NKAIN2: variants seen among roughly 807,000 people sequenced by gnomAD.
The protein encoded by NKAIN2 is sodium/potassium-transporting ATPase subunit beta-1-interacting protein 2.
A neutral mutation model predicts 32.6 loss-of-function variants in NKAIN2; 14 were observed. The ratio of observed to expected loss-of-function variants is 0.43; its 90% CI spans 0.28 to 0.67. The LOEUF is 0.67. NKAIN2 is among the 30% of genes least tolerant of loss of function. The pLI is 0.17. For synonymous variants in NKAIN2, 80 were observed against 87.2 expected, an observed-to-expected ratio of 0.92 and a Z score of 0.46; for missense variants, 198 against 258.3, an observed-to-expected ratio of 0.77 and a Z score of 1.60.
chr6:124,402,939 C>A (rs1320561899), intron 3 of NKAIN2, among the ~76,000 whole-genome samples: 1 of 152,114 alleles, frequency 6.6e-6, no homozygotes, highest in Non-Finnish European at 1.5e-5. Context: ...TGCACCTATA[C>A]CCACGAACCT....
chr6:124,210,712 TTTTG>T lies in NKAIN2; in HGVS notation c.55-72281_55-72278del, dbSNP rs200767258. ...TAAATGAGATTAGTTTCTTGATTTT[TTTTG>T]TTTGTTTGTTTTTTGTTTTTTTTCA... On this transcript the variant is annotated intron_variant, in intron 1 of 6. Transcript: ENST00000368417. Among the ~76,000 whole-genome samples, 838 of 151,640 alleles carry T rather than the reference TTTTG, an allele frequency of 5.5e-3. 6 individuals carry two copies. The highest frequency in any genetic ancestry group is 0.018 in the African/African-American group (757 of 41,258).
At chr6:124,121,291 T>A (rs778573777) in intron 1 of NKAIN2, among the ~76,000 whole-genome samples, 11 of 152,032 alleles carry the variant, frequency 7.2e-5, no homozygotes, top group Non-Finnish European at 2.9e-5. Context: ...ATCTGTAAGT[T>A]GTAAGAAGCC....
chr6:124,367,195 A>G (rs980943817), intron 3 of NKAIN2, among the ~76,000 whole-genome samples: 1 of 152,182 alleles, frequency 6.6e-6, no homozygotes, highest in African/African-American at 2.4e-5. Flanking sequence ...ACATCATAAA[A>G]CAAATGCAAT....
chr6:124,668,284 TAG>T (rs1352728019), intron 4 of NKAIN2, among the ~76,000 whole-genome samples: 1 of 152,148 alleles, frequency 6.6e-6, no homozygotes. Context: ...TGGACTGAAG[TAG>T]AGTGTCCTGT....
At chr6:124,432,818 G>T (rs1387206519) in intron 3 of NKAIN2, among the ~76,000 whole-genome samples, 1 of 151,870 alleles carries the variant, frequency 6.6e-6, no homozygotes, top group African/African-American at 2.4e-5. Context: ...CTCTTAAGAG[G>T]TCTCTCCAGA....
chr6:124,762,843 T>C (rs1778334661), intron 4 of NKAIN2, among the ~76,000 whole-genome samples: 1 of 152,088 alleles, frequency 6.6e-6, no homozygotes, highest in Non-Finnish European at 1.5e-5. Context: ...GGGGTGCCCC[T>C]GGGTAAGAAG....
At chr6:124,555,690 T>C (rs772209941) in intron 3 of NKAIN2, among the ~76,000 whole-genome samples, 55 of 152,192 alleles carry the variant, frequency 3.6e-4, no homozygotes, top group Admixed American at 7.2e-4. Flanking sequence ...CCTGATTGAT[T>C]AGAAGACAAA....
chr6:124,113,460 T>G (rs1785475995), intron 1 of NKAIN2, among the ~76,000 whole-genome samples: 1 of 152,102 alleles, frequency 6.6e-6, no homozygotes. Flanking sequence ...ATTTTTTTTG[T>G]TTGTTCGTTT....
chr6:124,222,782 C>G (rs897175564), intron 1 of NKAIN2, among the ~76,000 whole-genome samples: 1 of 152,102 alleles, frequency 6.6e-6, no homozygotes, highest in Non-Finnish European at 1.5e-5. Flanking sequence ...AGAATCAATG[C>G]GTCTCTTGCT....
At chr6:124,033,647 TAA>T (rs1781493528) in intron 1 of NKAIN2, among the ~76,000 whole-genome samples, 1 of 152,100 alleles carries the variant, frequency 6.6e-6, no homozygotes, top group South Asian at 2.1e-4. Context: ...ATCCTCCCAC[TAA>T]ACGAAAGAAA....
intron 1 of NKAIN2, among the ~76,000 whole-genome samples, chr6:124,256,196 A>G (rs544536240): frequency 6.6e-6 from 1 of 152,342 alleles, no homozygotes; most frequent in Admixed American, 6.5e-5. Context: ...ATGTTGTCAC[A>G]ACAAAAATCC....
At chr6:124,316,041 G>A (rs1796936123) in intron 2 of NKAIN2, among the ~76,000 whole-genome samples, 1 of 151,950 alleles carries the variant, frequency 6.6e-6, no homozygotes, top group South Asian at 2.1e-4. Context: ...AATACAATAA[G>A]GAGGAATAAC....
intron 3 of NKAIN2, among the ~76,000 whole-genome samples, chr6:124,589,151 A>G (rs1047197441): frequency 2.0e-5 from 3 of 152,146 alleles, no homozygotes; most frequent in East Asian, 1.9e-4. Flanking sequence ...AGAAACAGAA[A>G]TTGTGCAAAA....
chr6:124,349,223 T>C (rs1798598157), intron 2 of NKAIN2, among the ~76,000 whole-genome samples: 1 of 152,014 alleles, frequency 6.6e-6, no homozygotes, highest in Non-Finnish European at 1.5e-5. Context: ...AAGAGAGTCC[T>C]GTTAGCTGGT....
At chr6:123,855,671 A>C (rs969403830) in intron 1 of NKAIN2, among the ~76,000 whole-genome samples, 1 of 152,248 alleles carries the variant, frequency 6.6e-6, no homozygotes, top group Non-Finnish European at 1.5e-5. Flanking sequence ...AATGGAAATG[A>C]GACAGATATG....
intron 4 of NKAIN2, among the ~76,000 whole-genome samples, chr6:124,708,362 T>C (rs1454721307): frequency 6.6e-6 from 1 of 151,796 alleles, no homozygotes; most frequent in Non-Finnish European, 1.5e-5. Flanking sequence ...AAAGTAGTTT[T>C]TTCCAATTCT....
chr6:124,215,143 T>C (rs557045436), intron 1 of NKAIN2, among the ~76,000 whole-genome samples: 100 of 152,248 alleles, frequency 6.6e-4, no homozygotes, highest in Admixed American at 1.2e-3. Context: ...AACACTTTAA[T>C]TGTGAAGAAA....
intron 4 of NKAIN2, among the ~76,000 whole-genome samples, chr6:124,753,080 T>C (rs1003734249): frequency 6.6e-6 from 1 of 152,136 alleles, no homozygotes; most frequent in South Asian, 2.1e-4. Flanking sequence ...ACTTTATCAG[T>C]GTGAAATTCT....
chr6:124,667,361 A>G (rs1403581457), intron 4 of NKAIN2, among the ~76,000 whole-genome samples: 1 of 152,194 alleles, frequency 6.6e-6, no homozygotes, highest in East Asian at 1.9e-4. Context: ...TGTGCAATAA[A>G]CAATGTATGA....
Sources: allele counts gnomAD v4.1 joint callset (sites outside exome capture counted in the v4.1 genomes callset), GRCh38; gene constraint gnomAD v4.1.1; transcripts MANE v1.5; gene names NCBI Gene and HGNC (gene_info 2026-07-23, HGNC 2026-07-21).